MCCC2: variants seen among roughly 807,000 people sequenced by gnomAD.
The protein encoded by MCCC2 is methylcrotonoyl-CoA carboxylase beta chain, mitochondrial.
In MCCC2, 52 loss-of-function variants were observed where a neutral mutation model predicts 77.2. The observed-to-expected ratio is 0.67, with a 90% CI of 0.54 to 0.85. MCCC2 has a LOEUF of 0.85. MCCC2 is among the 40% of genes least tolerant of loss of function. The pLI, the probability that MCCC2 is intolerant of heterozygous loss-of-function variation, is 0.00. For missense variants in MCCC2, 682 were observed against 703.2 expected, an observed-to-expected ratio of 0.97 and a Z score of 0.34; for synonymous variants, 253 against 248.4, an observed-to-expected ratio of 1.02 and a Z score of -0.18.
intron 2 of MCCC2, among the ~76,000 whole-genome samples, chr5:71,595,954 T>C (rs560262219): frequency 1.3e-5 from 2 of 152,278 alleles, no homozygotes; most frequent in South Asian, 4.1e-4. Flanking sequence ...ATTTAATAAA[T>C]GTGGTGGAGA....
In MCCC2 at chr5:71,624,726, G is replaced by A. The variant is rs557023424; in HGVS notation, c.625-1914G>A. 3.3e-5 allele frequency among the ~76,000 whole-genome samples: 4 copies of A among 120,804 alleles called. No homozygotes were observed. In the South Asian group the frequency reaches 1.0e-3, roughly 31 times the overall value. The allele number at this position is 120,804 out of a possible 152,430, so 79.3% of individuals were successfully genotyped here. A position where few individuals can be genotyped will look rare whatever the true frequency, so the allele number is the denominator to read the frequency against. On this transcript the variant is annotated intron_variant, in intron 6 of 16. Coordinates refer to ENST00000340941, the MANE Select transcript of MCCC2 (RefSeq NM_022132.5). ...TTTTTTTTTTTTGAGATGGAGTCTTGCTTTGTCGCCCAGGCTGGAGTGCAG... is the reference window on the plus strand; with the variant it reads ...TTTTTTTTTTTTGAGATGGAGTCTTACTTTGTCGCCCAGGCTGGAGTGCAG...
chr5:71,610,182 C>T (rs1266836603), intron 6 of MCCC2, among the ~76,000 whole-genome samples: 2 of 152,218 alleles, frequency 1.3e-5, no homozygotes, highest in African/African-American at 2.4e-5. Flanking sequence ...TGCCGCCTTG[C>T]AGTTTGATCT....
chr5:71,619,828 A>G (rs561901097), intron 6 of MCCC2, among the ~76,000 whole-genome samples: 1 of 152,162 alleles, frequency 6.6e-6, no homozygotes, highest in South Asian at 2.1e-4. Context: ...CGTCTCTACT[A>G]AAAATACAAA....
At position 71,656,841 on chromosome 5, in the gene MCCC2, T is replaced by G; in HGVS notation, c.1673T>G (p.Phe558Cys). ...ALNAPIEKTD[F>C]GIFRM Reference sequence around the variant, plus strand: ...AACGCACCAATAGAGAAGACTGACTTCGGTATCTTCAGGATGTAACTGGAA... The same window carrying G: ...AACGCACCAATAGAGAAGACTGACTGCGGTATCTTCAGGATGTAACTGGAA... Residue 558 changes from phenylalanine to cysteine, a missense_variant, in exon 17 of 17, where the codon TTC becomes TGC. Phe to Cys is a radical substitution (Grantham distance 205, BLOSUM62 -2). Transcript: ENST00000340941. 6.2e-7 allele frequency: 1 copy of G among 1,613,692 alleles called. No individual in the cohort carries two copies. Among genetic ancestry groups the G allele is most frequent in the Non-Finnish European group, 8.5e-7 (1 of 1,179,578 alleles).
At chr5:71,600,143 G>GA (rs951911771) in intron 4 of MCCC2, among the ~76,000 whole-genome samples, 1 of 151,730 alleles carries the variant, frequency 6.6e-6, no homozygotes, top group African/African-American at 2.4e-5. Flanking sequence ...CCATCCTGGT[G>GA]ACAGAGCAAG....
chr5:71,632,253 T>A lies in MCCC2; in HGVS notation c.803+68T>A, dbSNP rs896486336. On this transcript the variant is annotated intron_variant, in intron 8 of 16. Transcript: ENST00000340941. ...TTTGTTTGTTTGTTTAAAAGAAGTT[T>A]TACGTATTTGTTTCCAGTGCTAAAC... 6.5e-6 allele frequency: 10 copies of A among 1,532,572 alleles called. No individual in the cohort carries two copies. In the South Asian group the frequency reaches 8.9e-5, roughly 14 times the overall value. The allele number at this position is 1,532,572 out of a possible 1,614,324, so 94.9% of individuals were successfully genotyped here.
In MCCC2 at chr5:71,612,178, A is replaced by G. The variant is rs557634892; in HGVS notation, c.624+7710A>G. On this transcript the variant is annotated intron_variant, in intron 6 of 16. Coordinates refer to ENST00000340941, the MANE Select transcript of MCCC2 (RefSeq NM_022132.5). ...TCAAGGTTTATTAAGATTAGGTATT[A>G]GGCTAATGGATGTTTGTTATTCTGT... Among the ~76,000 whole-genome samples the G allele has an allele frequency of 2.6e-5, 4 of 152,332 alleles. No homozygotes were observed. In the South Asian group the frequency reaches 8.3e-4, roughly 32 times the overall value.
At chr5:71,636,056 G>A (rs1553314) in intron 10 of MCCC2, 274,110 of 362,082 alleles carry the variant, frequency 0.76, 105,358 homozygotes, top group East Asian at 0.86. Flanking sequence ...ATATTTTTTT[G>A]TTTTACTTTT....
intron 16 of MCCC2, among the ~76,000 whole-genome samples, chr5:71,653,131 C>T (rs1241558060): frequency 6.6e-6 from 1 of 152,172 alleles, no homozygotes; most frequent in Non-Finnish European, 1.5e-5. Context: ...CTTAAAAACC[C>T]CTCTCCTTGA....
chr5:71,630,827 C>T (rs1315550239), intron 7 of MCCC2, among the ~76,000 whole-genome samples: 1 of 152,060 alleles, frequency 6.6e-6, no homozygotes, highest in Non-Finnish European at 1.5e-5. Flanking sequence ...TTCAACCTCT[C>T]TGTGCTATAT....
chr5:71,604,845 T>C (rs1433724948), intron 6 of MCCC2, among the ~76,000 whole-genome samples: 2 of 144,338 alleles, frequency 1.4e-5, no homozygotes, highest in Non-Finnish European at 3.0e-5. Context: ...GGTTTTTTGT[T>C]CTTGCGATAG....
intron 12 of MCCC2, 126 bp downstream of exon 12, chr5:71,644,021 G>A (rs1029210679): frequency 9.1e-7 from 1 of 1,093,918 alleles, no homozygotes; most frequent in Non-Finnish European, 1.3e-6. Flanking sequence ...CCAGAACACT[G>A]TGTGCGCGGG....
chr5:71,603,927 A>G (rs1262155277), intron 5 of MCCC2, among the ~76,000 whole-genome samples: 1 of 152,224 alleles, frequency 6.6e-6, no homozygotes, highest in Non-Finnish European at 1.5e-5. Context: ...TTTGAACGCA[A>G]CTGACCTGTG....
In MCCC2 at chr5:71,626,756, A is replaced by T. The variant is rs762040123; in HGVS notation, c.738+3A>T. 2 of 1,612,300 alleles carry T rather than the reference A, an allele frequency of 1.2e-6. No individual in the cohort carries two copies. The highest frequency in any genetic ancestry group is 1.1e-5 in the South Asian group (1 of 91,054). ...TTTTCTTGGCAGGACCCCCCTTGGT[A>T]AGAACATAAGAACGTTGGTCGATGG... On this transcript the variant is annotated splice_donor_region_variant and intron_variant, in intron 7 of 16. Coordinates refer to ENST00000340941, the MANE Select transcript of MCCC2 (RefSeq NM_022132.5).
At chr5:71,619,530 T>C (rs1746291730) in intron 6 of MCCC2, among the ~76,000 whole-genome samples, 1 of 152,170 alleles carries the variant, frequency 6.6e-6, no homozygotes, top group Admixed American at 6.5e-5. Context: ...GTGCTGGGAT[T>C]ACAGGCATGA....
intron 15 of MCCC2, among the ~76,000 whole-genome samples, chr5:71,650,695 C>G (rs1307795129): frequency 6.6e-6 from 1 of 152,088 alleles, no homozygotes; most frequent in African/African-American, 2.4e-5. Flanking sequence ...GTCGCCCAGG[C>G]TGGTGTGCAG....
chr5:71,637,914 G>C (rs748138334), intron 10 of MCCC2, among the ~76,000 whole-genome samples: 4 of 151,864 alleles, frequency 2.6e-5, no homozygotes, highest in Admixed American at 1.3e-4. Flanking sequence ...GGGTTTCACC[G>C]TATTAGCCAG....
intron 6 of MCCC2, among the ~76,000 whole-genome samples, chr5:71,623,301 G>A (rs1229423240): frequency 1.3e-5 from 2 of 152,208 alleles, no homozygotes; most frequent in Non-Finnish European, 2.9e-5. Flanking sequence ...GCGCAGTGTA[G>A]CTCTGGGTCT....
chr5:71,641,624 T>G (rs1212372340), intron 11 of MCCC2, among the ~76,000 whole-genome samples: 2 of 152,238 alleles, frequency 1.3e-5, no homozygotes, highest in Non-Finnish European at 2.9e-5. Context: ...GTTAATTTTT[T>G]AAATCTAAAC....
Sources: allele counts gnomAD v4.1 joint callset (sites outside exome capture counted in the v4.1 genomes callset), GRCh38; gene constraint gnomAD v4.1.1; transcripts MANE v1.5; gene names NCBI Gene and HGNC (gene_info 2026-07-23, HGNC 2026-07-21).